Variants in HPN observed in about 807,000 individuals in gnomAD.
The protein encoded by HPN is serine protease hepsin.
In HPN, 13 loss-of-function variants were observed where a neutral mutation model predicts 55.9. The observed-to-expected ratio is 0.23, with a 90% CI of 0.15 to 0.37. The LOEUF (loss-of-function observed/expected upper bound fraction) is 0.37. HPN is among the 10% of genes least tolerant of loss of function. The probability of loss-of-function intolerance (pLI) is 1.00; values close to 1 mark genes in which losing one functional copy is unlikely to be tolerated. For synonymous variants in HPN, 225 were observed against 240.3 expected, an observed-to-expected ratio of 0.94 and a Z score of 0.59; for missense variants, 451 against 575.8, an observed-to-expected ratio of 0.78 and a Z score of 2.22.
intron 2 of HPN, among the ~76,000 whole-genome samples, chr19:35,045,418 G>A (rs1301006247): frequency 6.6e-6 from 1 of 152,170 alleles, no homozygotes; most frequent in African/African-American, 2.4e-5. Flanking sequence ...GAGACACGGA[G>A]CCACCAGTTG....
rs777927686 is a variant in HPN at position 35,066,289 on chromosome 19, C to T, written c.*2C>T. 5.6e-6 allele frequency: 9 copies of T among 1,611,508 alleles called. No homozygotes were observed. The highest frequency in any genetic ancestry group is 4.4e-5 in the South Asian group (4 of 90,606). On this transcript the variant is annotated 3_prime_UTR_variant, in exon 13 of 13. Coordinates refer to ENST00000672452, the MANE Select transcript of HPN (RefSeq NM_001384133.1). ...AGCGGCATGGTGACCCAGCTCTGAC[C>T]GGTGGCTTCTCGCTGCGCAGCCTCC...
chr19:35,063,694 G>GT (rs1238862493), intron 9 of HPN, among the ~76,000 whole-genome samples: 1 of 152,228 alleles, frequency 6.6e-6, no homozygotes, highest in Non-Finnish European at 1.5e-5. Flanking sequence ...AGTGAAAAGA[G>GT]TGAGAGAGTT....
chr19:35,058,123 A>G (rs2064476440), intron 4 of HPN, among the ~76,000 whole-genome samples: 1 of 152,026 alleles, frequency 6.6e-6, no homozygotes, highest in South Asian at 2.1e-4. Flanking sequence ...ACTGCACACC[A>G]GCCTGGACAA....
At chr19:35,051,686 A>G (rs898454627) in intron 4 of HPN, among the ~76,000 whole-genome samples, 6 of 39,586 alleles carry the variant, frequency 1.5e-4, no homozygotes, top group African/African-American at 2.8e-4. Flanking sequence ...TTGCTTGTTA[A>G]AAAAAAAAAA....
intron 2 of HPN, 90 bp from the exon 3 acceptor site, chr19:35,049,200 C>G: frequency 2.2e-6 from 2 of 910,934 alleles, no homozygotes; most frequent in South Asian, 5.1e-5. Context: ...ATAAGTTAGC[C>G]CTGGGGGCAG....
At chr19:35,063,000 G>C (rs1340880955) in intron 9 of HPN, among the ~76,000 whole-genome samples, 2 of 152,206 alleles carry the variant, frequency 1.3e-5, no homozygotes, top group Non-Finnish European at 2.9e-5. Context: ...AGTAGTAAAA[G>C]GGAATAAGGG....
chr19:35,062,105 GGAAGAAAA>G (rs796614478), intron 9 of HPN, among the ~76,000 whole-genome samples: 64 of 151,526 alleles, frequency 4.2e-4, no homozygotes, highest in Admixed American at 1.3e-3. Flanking sequence ...AAGGAAGGAA[GGAAGAAAA>G]GAAGAAAAGA....
At chr19:35,052,534 C>CAAAA (rs5827918) in intron 4 of HPN, among the ~76,000 whole-genome samples, 7 of 84,534 alleles carry the variant, frequency 8.3e-5, no homozygotes, top group Non-Finnish European at 1.2e-4. Context: ...GAGTCTGTCT[C>CAAAA]AAAAAAAAAA....
intron 4 of HPN, among the ~76,000 whole-genome samples, chr19:35,050,042 C>T (rs952567942): frequency 2.6e-5 from 4 of 152,006 alleles, no homozygotes; most frequent in African/African-American, 9.7e-5. Flanking sequence ...TTTCTTACTG[C>T]GTGGCATGGT....
chr19:35,060,321 G>GC (rs3830343), intron 7 of HPN, 26 bp from the exon 8 acceptor site: 189,302 of 1,608,858 alleles, frequency 0.12, 11,613 homozygotes, highest in East Asian at 0.16. Flanking sequence ...CCCTGTCGCC[G>GC]CCCCCTGCTG....
intron 2 of HPN, among the ~76,000 whole-genome samples, chr19:35,046,206 G>C (rs2064340274): frequency 6.6e-6 from 1 of 152,122 alleles, no homozygotes; most frequent in Admixed American, 6.5e-5. Flanking sequence ...TTGGGGAAGA[G>C]AGTGTTTCCT....
rs150207534 is a variant in HPN at position 35,054,838 on chromosome 19, G to T, written c.161-4835G>T. Reference sequence around the variant, plus strand: ...CAGGAACACAGTAGGTCCTCAGCTGGGGAGAGTTCTACTTGGAAGTCTTGC... The same window carrying T: ...CAGGAACACAGTAGGTCCTCAGCTGTGGAGAGTTCTACTTGGAAGTCTTGC... On this transcript the variant is annotated intron_variant, in intron 4 of 12. Transcript: ENST00000672452. Among the ~76,000 whole-genome samples, 551 of 152,248 alleles carry T rather than the reference G, an allele frequency of 3.6e-3. 14 individuals are homozygous for T. The South Asian group carries it at 0.073, about 20-fold the overall frequency.
chr19:35,042,298 T>A, intron 1 of HPN, 155 bp from the exon 2 acceptor site: 1 of 1,398,014 alleles, frequency 7.2e-7, no homozygotes, highest in South Asian at 1.6e-5. Flanking sequence ...GACCCCATCC[T>A]TGAACCCAGC....
At chr19:35,041,930 T>C (rs1600374197) in intron 1 of HPN, 58 bp downstream of exon 1, 1 of 1,266,628 alleles carries the variant, frequency 7.9e-7, no homozygotes, top group Admixed American at 2.6e-5. Flanking sequence ...GGTTCCCTCA[T>C]CCCCCCACCC....
chr19:35,059,249 C>A, intron 4 of HPN: 1 of 335,424 alleles, frequency 3.0e-6, no homozygotes, highest in Non-Finnish European at 5.8e-6. Context: ...ATTGCTTGAG[C>A]CTAGGAGTTC....
rs1375332347 is a variant in HPN, at chr19:35,066,552, T to C, written c.*265T>C. The C allele has an allele frequency of 2.1e-5, 11 of 525,140 alleles. No individual in the cohort carries two copies. The Admixed American group carries it at 3.7e-4, about 18-fold the overall frequency. 32.5% of individuals were successfully genotyped at this position (525,140 alleles called of 1,614,324 possible). ...CCCTGATGACGGGATGCTCTTTAAA[T>C]AATAAAGATGGTTTTGATTAATGTG... On this transcript the variant is annotated 3_prime_UTR_variant, in exon 13 of 13. Transcript: ENST00000672452.
chr19:35,057,317 T>G (rs2064465574), intron 4 of HPN, among the ~76,000 whole-genome samples: 1 of 151,922 alleles, frequency 6.6e-6, no homozygotes, highest in Non-Finnish European at 1.5e-5. Flanking sequence ...CTCCAGCTAC[T>G]CGGGAGGCTG....
intron 4 of HPN, chr19:35,059,350 TGCA>T: frequency 2.1e-6 from 1 of 466,952 alleles, no homozygotes; most frequent in Admixed American, 3.3e-5. Flanking sequence ...GGTGTGGTGG[TGCA>T]CGCCTGTGGT....
At chr19:35,046,821 T>C (rs1012348131) in intron 2 of HPN, among the ~76,000 whole-genome samples, 3 of 151,086 alleles carry the variant, frequency 2.0e-5, no homozygotes, top group African/African-American at 4.8e-5. Flanking sequence ...TATTTATTTA[T>C]GTATTTATTT....
Sources: allele counts gnomAD v4.1 joint callset (sites outside exome capture counted in the v4.1 genomes callset), GRCh38; gene constraint gnomAD v4.1.1; transcripts MANE v1.5; gene names NCBI Gene and HGNC (gene_info 2026-07-23, HGNC 2026-07-21).